The following SLC35D4 variants were observed in gnomAD, a reference collection of about 807,000 sequenced individuals.
The protein encoded by SLC35D4 is solute carrier family 35 member D4.
chr18:23,322,172 C>A, the SLC35D4 span, among the ~76,000 whole-genome samples: 2,140 of 152,340 alleles, frequency 0.014, 25 homozygotes, highest in Non-Finnish European at 0.022. Context: ...TCCACACAGT[C>A]TCTTCTCTTG....
chr18:23,301,101 C>T, the SLC35D4 span, among the ~76,000 whole-genome samples: 1 of 152,210 alleles, frequency 6.6e-6, no homozygotes, highest in Non-Finnish European at 1.5e-5. Context: ...GGAGAAGTCC[C>T]AAACTATTTG....
chr18:23,328,005 G>A, the SLC35D4 span, among the ~76,000 whole-genome samples: 6 of 152,156 alleles, frequency 3.9e-5, no homozygotes, highest in South Asian at 2.1e-4. Context: ...ATTCAACAAC[G>A]CTTCATGCTA....
At chr18:23,289,713 C>T in the SLC35D4 span, among the ~76,000 whole-genome samples, 127 of 152,308 alleles carry the variant, frequency 8.3e-4, 1 homozygote, top group East Asian at 0.022. Context: ...TCCAGATGGC[C>T]GGTTCCTGCC....
At chr18:23,329,247 A>G in the SLC35D4 span, among the ~76,000 whole-genome samples, 4 of 152,228 alleles carry the variant, frequency 2.6e-5, no homozygotes, top group Non-Finnish European at 4.4e-5. Flanking sequence ...GGCAAAAGAA[A>G]ATACCATCAG....
chr18:23,246,611 T>C, the SLC35D4 span, among the ~76,000 whole-genome samples: 43 of 151,842 alleles, frequency 2.8e-4, no homozygotes, highest in African/African-American at 5.1e-4. Context: ...CAGGATGGTC[T>C]CGATCTCCTG....
At chr18:23,341,507 A>T in the SLC35D4 span, among the ~76,000 whole-genome samples, 1 of 152,318 alleles carries the variant, frequency 6.6e-6, no homozygotes, top group East Asian at 1.9e-4. Context: ...TGTATTTTTT[A>T]GTCTTCACAT....
chr18:23,312,269 T>C, the SLC35D4 span, among the ~76,000 whole-genome samples: 1 of 152,190 alleles, frequency 6.6e-6, no homozygotes, highest in Non-Finnish European at 1.5e-5. Flanking sequence ...GAATCCTGTC[T>C]GCCGTGAGAT....
the SLC35D4 span, among the ~76,000 whole-genome samples, chr18:23,323,659 A>G: frequency 2.0e-5 from 3 of 152,212 alleles, no homozygotes; most frequent in Non-Finnish European, 1.5e-5. Context: ...TGAATTGTCC[A>G]TAATTCACAA....
At chr18:23,263,852 A>C in the SLC35D4 span, among the ~76,000 whole-genome samples, 1 of 152,240 alleles carries the variant, frequency 6.6e-6, no homozygotes, top group Non-Finnish European at 1.5e-5. Flanking sequence ...TGTCACAGAA[A>C]GACTTTGATT....
the SLC35D4 span, among the ~76,000 whole-genome samples, chr18:23,404,725 T>G: frequency 0.2 from 27,947 of 139,730 alleles, 3,852 homozygotes; most frequent in African/African-American, 0.36. Flanking sequence ...ACACTGGTAA[T>G]CCCAGCACTC....
chr18:23,367,933 A>C, the SLC35D4 span, among the ~76,000 whole-genome samples: 3 of 152,112 alleles, frequency 2.0e-5, no homozygotes, highest in Admixed American at 6.5e-5. Flanking sequence ...GTAAATTATA[A>C]TGAAGAAATT....
the SLC35D4 span, among the ~76,000 whole-genome samples, chr18:23,435,159 GAAAAAAA>G: frequency 7.1e-6 from 1 of 141,118 alleles, no homozygotes; most frequent in Non-Finnish European, 1.6e-5. Context: ...CTGTGTCTCA[GAAAAAAA>G]AAAATTAGAA....
the SLC35D4 span, among the ~76,000 whole-genome samples, chr18:23,250,112 C>T: frequency 2.0e-5 from 3 of 152,188 alleles, no homozygotes; most frequent in East Asian, 1.9e-4. Context: ...GTGGTTGCTG[C>T]GAGGAGAGAT....
the SLC35D4 span, among the ~76,000 whole-genome samples, chr18:23,290,630 C>CT: frequency 3.0e-4 from 42 of 138,052 alleles, no homozygotes; most frequent in East Asian, 6.2e-4. Context: ...CTCTGAAATT[C>CT]TTTTTTTTTT....
the SLC35D4 span, chr18:23,253,869 C>A: frequency 3.7e-6 from 6 of 1,614,224 alleles, no homozygotes; most frequent in Non-Finnish European, 5.1e-6. Context: ...TGTGCTGGGG[C>A]ATGTGTGCTG....
chr18:23,377,866 G>A, the SLC35D4 span, among the ~76,000 whole-genome samples: 1 of 152,060 alleles, frequency 6.6e-6, no homozygotes, highest in Non-Finnish European at 1.5e-5. Flanking sequence ...TTCCAGAGTT[G>A]AGTCACTTCA....
chr18:23,430,225 G>C, the SLC35D4 span, among the ~76,000 whole-genome samples: 1 of 128,086 alleles, frequency 7.8e-6, no homozygotes, highest in East Asian at 2.3e-4. Context: ...TTCTGCATAT[G>C]GTTAGCCAGT....
chr18:23,238,600 A>T, the SLC35D4 span, among the ~76,000 whole-genome samples: 1 of 152,266 alleles, frequency 6.6e-6, no homozygotes, highest in African/African-American at 2.4e-5. Context: ...AGCACGTAAT[A>T]AGTGTTCAAT....
chr18:23,256,988 G>T, the SLC35D4 span, among the ~76,000 whole-genome samples: 5 of 152,298 alleles, frequency 3.3e-5, no homozygotes, highest in East Asian at 9.6e-4. Context: ...AGGATTAAAT[G>T]ATGTCATAAG....
Sources: gnomAD v4.1 joint callset for allele counts (sites outside exome capture counted in the v4.1 genomes callset) on GRCh38, gnomAD v4.1.1 for gene constraint, MANE v1.5 for transcripts, NCBI Gene and HGNC (gene_info 2026-07-23, HGNC 2026-07-21) for gene names.